The following CCSER1 variants were observed in gnomAD, a reference collection of about 807,000 sequenced individuals.
The protein encoded by CCSER1 is serine-rich coiled-coil domain-containing protein 1.
In CCSER1, 41 loss-of-function variants were observed where a neutral mutation model predicts 82.0. The ratio of observed to expected loss-of-function variants is 0.50; its 90% CI spans 0.39 to 0.65. The LOEUF (loss-of-function observed/expected upper bound fraction) is 0.65, where lower values mean the gene tolerates loss of function less well. CCSER1 is among the 30% of genes least tolerant of loss of function. CCSER1 has a pLI of 0.00. For synonymous variants in CCSER1, 414 were observed against 383.9 expected, an observed-to-expected ratio of 1.08 and a Z score of -0.92; for missense variants, 1,119 against 1,064.2, an observed-to-expected ratio of 1.05 and a Z score of -0.72.
intron 10 of CCSER1, among the ~76,000 whole-genome samples, chr4:91,509,344 GTTAT>G (rs947642898): frequency 1.3e-5 from 2 of 151,766 alleles, no homozygotes; most frequent in Non-Finnish European, 2.9e-5. Flanking sequence ...CCACCAATTG[GTTAT>G]TTATAACTGT....
At chr4:91,472,735 T>G (rs1382552369) in intron 10 of CCSER1, among the ~76,000 whole-genome samples, 1 of 152,278 alleles carries the variant, frequency 6.6e-6, no homozygotes, top group Middle Eastern at 3.4e-3. Context: ...AGACAGAATC[T>G]TAGGAGATGT....
rs757486848 is a variant in CCSER1 at position 90,309,626 on chromosome 4, G to A, written c.1324+18G>A. The stretch of plus-strand genomic sequence containing the variant: ...TGCCAAAGGTATGCTGATTTTTTTT[G>A]TATAACAAATGATATGAATTAATTT... On this transcript the variant is annotated intron_variant, in intron 2 of 10. Transcript: ENST00000509176. The A allele has an allele frequency of 6.6e-7, 1 of 1,518,898 alleles. No individual in the cohort carries two copies. Among genetic ancestry groups the A allele is most frequent in the Admixed American group, 2.2e-5 (1 of 44,854 alleles). The allele number at this position is 1,518,898 out of a possible 1,614,324, so 94.1% of individuals were successfully genotyped here. A position where few individuals can be genotyped will look rare whatever the true frequency, so the allele number is the denominator to read the frequency against.
intron 5 of CCSER1, among the ~76,000 whole-genome samples, chr4:90,592,455 A>G (rs1782828111): frequency 6.6e-6 from 1 of 152,156 alleles, no homozygotes; most frequent in Non-Finnish European, 1.5e-5. Context: ...CTATATGTTC[A>G]TGTGTGAGGA....
At chr4:91,010,990 G>GT (rs976858403) in intron 9 of CCSER1, among the ~76,000 whole-genome samples, 1 of 134,380 alleles carries the variant, frequency 7.4e-6, no homozygotes, top group Admixed American at 7.4e-5. Flanking sequence ...TGTTTCTCAT[G>GT]TTTTTTGTGT....
At chr4:90,437,570 A>G (rs531660825) in intron 4 of CCSER1, among the ~76,000 whole-genome samples, 4 of 152,146 alleles carry the variant, frequency 2.6e-5, no homozygotes, top group Admixed American at 6.5e-5. Context: ...AGAAAACAAA[A>G]TTTCCTGGTT....
chr4:90,448,444 A>AATATATATATAT (rs70963067), intron 4 of CCSER1, among the ~76,000 whole-genome samples: 9 of 44,088 alleles, frequency 2.0e-4, no homozygotes, highest in Non-Finnish European at 2.6e-4. Context: ...AGGTGAATTG[A>AATATATATATAT]ATATATATAT....
intron 10 of CCSER1, among the ~76,000 whole-genome samples, chr4:91,530,040 A>C (rs1760946280): frequency 6.6e-6 from 1 of 152,128 alleles, no homozygotes; most frequent in Non-Finnish European, 1.5e-5. Flanking sequence ...CATCTGAAGA[A>C]GCAAATGCTT....
At chr4:90,586,409 CAA>C (rs1782028882) in intron 5 of CCSER1, among the ~76,000 whole-genome samples, 1 of 152,180 alleles carries the variant, frequency 6.6e-6, no homozygotes, top group East Asian at 1.9e-4. Flanking sequence ...ATATAACTGT[CAA>C]AGAGTTGAAA....
intron 4 of CCSER1, among the ~76,000 whole-genome samples, chr4:90,453,890 T>C (rs941145890): frequency 1.3e-5 from 2 of 152,154 alleles, no homozygotes; most frequent in Non-Finnish European, 2.9e-5. Flanking sequence ...CTTTCCTCCC[T>C]TCAACTTTCA....
At chr4:91,177,738 C>T (rs758317212) in intron 10 of CCSER1, among the ~76,000 whole-genome samples, 30 of 152,000 alleles carry the variant, frequency 2.0e-4, no homozygotes, top group Admixed American at 1.4e-3. Flanking sequence ...AGCAGTCTGT[C>T]GATTTTGTTG....
intron 9 of CCSER1, among the ~76,000 whole-genome samples, chr4:91,057,064 C>T (rs2148724262): frequency 6.6e-6 from 1 of 152,242 alleles, no homozygotes; most frequent in East Asian, 1.9e-4. Flanking sequence ...TCTGTGTCTG[C>T]ACCTCCATGA....
chr4:91,577,678 A>T (rs1322744173), intron 10 of CCSER1, among the ~76,000 whole-genome samples: 1 of 151,994 alleles, frequency 6.6e-6, no homozygotes, highest in Non-Finnish European at 1.5e-5. Flanking sequence ...AGAATATTTG[A>T]ATATTGCATT....
At chr4:91,246,295 C>A (rs559662830) in intron 10 of CCSER1, among the ~76,000 whole-genome samples, 1 of 152,272 alleles carries the variant, frequency 6.6e-6, no homozygotes, top group African/African-American at 2.4e-5. Context: ...GTGTTGTCAT[C>A]AGTTTAAAAT....
intron 5 of CCSER1, among the ~76,000 whole-genome samples, chr4:90,576,365 G>A (rs942933659): frequency 1.1e-4 from 17 of 151,928 alleles, no homozygotes; most frequent in Admixed American, 9.8e-4. Flanking sequence ...ATAAACTTAC[G>A]TTGACACATC....
chr4:91,193,153 A>ACCTC (rs1735142068), intron 10 of CCSER1, among the ~76,000 whole-genome samples: 1 of 151,940 alleles, frequency 6.6e-6, no homozygotes, highest in Non-Finnish European at 1.5e-5. Flanking sequence ...AGAGCCTTTT[A>ACCTC]CCTCAGTGTT....
intron 7 of CCSER1, among the ~76,000 whole-genome samples, chr4:90,815,227 T>G (rs1345250438): frequency 1.3e-5 from 2 of 152,014 alleles, no homozygotes; most frequent in Non-Finnish European, 2.9e-5. Context: ...GAGAACTTTC[T>G]CACTATCATG....
chr4:91,189,888 T>A (rs560267844), intron 10 of CCSER1, among the ~76,000 whole-genome samples: 1 of 152,318 alleles, frequency 6.6e-6, no homozygotes, highest in East Asian at 1.9e-4. Context: ...ATTTAAATTA[T>A]TTTGATTATT....
chr4:90,636,329 T>C (rs1001975297), intron 6 of CCSER1, among the ~76,000 whole-genome samples: 1 of 151,984 alleles, frequency 6.6e-6, no homozygotes, highest in Non-Finnish European at 1.5e-5. Flanking sequence ...ACAGATATTA[T>C]GTAAAAATTT....
chr4:90,374,357 A>C (rs1375977582), intron 3 of CCSER1, among the ~76,000 whole-genome samples: 2 of 152,144 alleles, frequency 1.3e-5, no homozygotes, highest in Admixed American at 6.5e-5. Flanking sequence ...GCGTGCATAA[A>C]GAGAGCTGCT....
Sources: gnomAD v4.1 joint callset for allele counts (sites outside exome capture counted in the v4.1 genomes callset) on GRCh38, gnomAD v4.1.1 for gene constraint, MANE v1.5 for transcripts, NCBI Gene and HGNC (gene_info 2026-07-23, HGNC 2026-07-21) for gene names.